The following GGNBP2 variants were observed in gnomAD, a reference collection of about 807,000 sequenced individuals.
GGNBP2 encodes the protein gametogenetin binding protein 2, also known as gametogenetin-binding protein 2.
A neutral mutation model predicts 85.9 loss-of-function variants in GGNBP2; 10 were observed. The observed-to-expected ratio is 0.12, with a 90% CI of 0.07 to 0.20. GGNBP2 has a LOEUF of 0.20. Among genes scored for constraint, GGNBP2 ranks in the 10% least tolerant of loss-of-function variants. GGNBP2 has a pLI of 1.00. For missense variants in GGNBP2, 595 were observed against 857.8 expected (o/e 0.69, Z 3.83); for synonymous variants, 287 against 285.7 (o/e 1.00, Z -0.05).
chr17:36,573,646 T>G (rs1365017730), intron 6 of GGNBP2, among the ~76,000 whole-genome samples: 1 of 152,202 alleles, frequency 6.6e-6, no homozygotes, highest in Non-Finnish European at 1.5e-5. Flanking sequence ...CAGCAGTGCA[T>G]AAGGGTTCCA....
chr17:36,585,515 G>GAAAGA, intron 10 of GGNBP2, 65 bp downstream of exon 10: 1 of 1,120,742 alleles, frequency 8.9e-7, no homozygotes, highest in Non-Finnish European at 1.3e-6. Flanking sequence ...TTAAATGTAA[G>GAAAGA]AGCTTTTAGA....
chr17:36,576,575 A>AT, intron 6 of GGNBP2: 1 of 28,826 alleles, frequency 3.5e-5, no homozygotes, highest in African/African-American at 9.8e-5. Flanking sequence ...AAAAAAAAAA[A>AT]AAAAAAAAAA....
chr17:36,588,988 T>C (rs1356221191), intron 13 of GGNBP2, among the ~76,000 whole-genome samples: 1 of 152,140 alleles, frequency 6.6e-6, no homozygotes, highest in Non-Finnish European at 1.5e-5. Context: ...CTAGGAGAAA[T>C]TATAGATTCA....
chr17:36,572,399 A>G (rs892766902), intron 6 of GGNBP2, among the ~76,000 whole-genome samples: 3 of 152,190 alleles, frequency 2.0e-5, no homozygotes, highest in Non-Finnish European at 2.9e-5. Flanking sequence ...TATATTTTAA[A>G]AGAACACAAA....
chr17:36,569,384 C>T (rs987706175), intron 6 of GGNBP2, among the ~76,000 whole-genome samples: 5 of 152,162 alleles, frequency 3.3e-5, no homozygotes, highest in African/African-American at 7.2e-5. Context: ...TGCACTCCAA[C>T]GGAGCAAGAC....
At chr17:36,561,307 A>G (rs2074414301) in intron 5 of GGNBP2, among the ~76,000 whole-genome samples, 1 of 151,908 alleles carries the variant, frequency 6.6e-6, no homozygotes, top group African/African-American at 2.4e-5. Context: ...TATTTTTAGT[A>G]GATATGGGGT....
At chr17:36,557,475 T>A in intron 4 of GGNBP2, 139 bp downstream of exon 4, 1 of 721,172 alleles carries the variant, frequency 1.4e-6, no homozygotes, top group Non-Finnish European at 2.3e-6. Context: ...CCAGTGGATG[T>A]AAAGTTTCAA....
intron 7 of GGNBP2, chr17:36,578,497 A>G (rs185664515): frequency 5.9e-4 from 177 of 301,712 alleles, no homozygotes; most frequent in Non-Finnish European, 8.3e-4. Context: ...TTCTCCCTCT[A>G]TCCATGCATT....
At chr17:36,576,600 T>TGC in intron 6 of GGNBP2, 3 of 78,012 alleles carry the variant, frequency 3.8e-5, no homozygotes, top group African/African-American at 1.7e-4. Context: ...TATATATGTG[T>TGC]GTGTGTGTGT....
intron 6 of GGNBP2, chr17:36,574,665 C>T (rs1555607389): frequency 5.0e-6 from 3 of 599,724 alleles, no homozygotes; most frequent in East Asian, 2.9e-5. Flanking sequence ...TAGCCCCTGG[C>T]TAAGGTGTAG....
Position 36,586,214 on chromosome 17 carries a change from T to G in GGNBP2, c.1641+16T>G. On this transcript the variant is annotated intron_variant, in intron 12 of 13. Coordinates refer to ENST00000613102, the MANE Select transcript of GGNBP2 (RefSeq NM_024835.5). ...TGATGAACATGTAAGTGTCATAACT[T>G]GTAATTCTTAAACCTTTGCTGTTGA... 16 of 1,607,050 alleles carry G rather than the reference T, an allele frequency of 1.0e-5. No homozygotes were observed. Among genetic ancestry groups the G allele is most frequent in the Non-Finnish European group, 1.4e-5 (16 of 1,178,690 alleles).
chr17:36,575,648 A>ATATATATATATT (rs374366757), intron 6 of GGNBP2, among the ~76,000 whole-genome samples: 35 of 54,910 alleles, frequency 6.4e-4, no homozygotes, highest in African/African-American at 1.4e-3. Flanking sequence ...ATATATATAT[A>ATATATATATATT]TTTTTTTTTT....
At chr17:36,545,215 G>C (rs1185887734) in intron 1 of GGNBP2, 118 bp downstream of exon 1, 1 of 154,486 alleles carries the variant, frequency 6.5e-6, no homozygotes, top group African/African-American at 2.4e-5. Flanking sequence ...GACTGGGCGG[G>C]GTGCGCCCAG....
In GGNBP2 at chr17:36,587,035, T is replaced by C; in HGVS notation, c.1680T>C (p.Asn560=). Residue 560 remains asparagine (N), a synonymous_variant, in exon 13 of 14, where the codon AAT becomes AAC. Transcript: ENST00000613102. ...GAAGCTGTATTACAGATCCAGGTAA[T>C]CGAGAGACCTCAGGAAATACCATGC... The part of the protein sequence containing the change: ...KLGSCITDPG[N]RETSGNTMHT... 6.2e-7 allele frequency: 1 copy of C among 1,613,230 alleles called. No individual in the cohort carries two copies. The highest frequency in any genetic ancestry group is 8.5e-7 in the Non-Finnish European group (1 of 1,179,722).
chr17:36,584,643 T>C (rs1306843915), intron 9 of GGNBP2, among the ~76,000 whole-genome samples: 2 of 152,204 alleles, frequency 1.3e-5, no homozygotes, highest in East Asian at 3.8e-4. Context: ...TGGCCCCACA[T>C]AGACTGTCAA....
chr17:36,582,081 G>A (rs995333197), intron 9 of GGNBP2: 5 of 152,152 alleles, frequency 3.3e-5, no homozygotes, highest in African/African-American at 1.2e-4. Flanking sequence ...GTTTTACCAT[G>A]TTGTTCAGGC....
chr17:36,561,765 A>C (rs1388809934), intron 5 of GGNBP2, among the ~76,000 whole-genome samples: 1 of 151,992 alleles, frequency 6.6e-6, no homozygotes, highest in Non-Finnish European at 1.5e-5. Context: ...TTGGGACTAC[A>C]GGTGCGTGCC....
chr17:36,555,364 C>G (rs1014249820), intron 3 of GGNBP2, among the ~76,000 whole-genome samples: 3 of 152,040 alleles, frequency 2.0e-5, no homozygotes, highest in Admixed American at 6.6e-5. Flanking sequence ...TTCAAGGATC[C>G]CTAGGCAAAC....
chr17:36,573,070 T>TTTAAAAA (rs2074542489), intron 6 of GGNBP2, among the ~76,000 whole-genome samples: 1 of 152,194 alleles, frequency 6.6e-6, no homozygotes, highest in Admixed American at 6.6e-5. Flanking sequence ...TGTGACATTA[T>TTTAAAAA]TTAAAAATGG....
Sources: allele counts gnomAD v4.1 joint callset (sites outside exome capture counted in the v4.1 genomes callset), GRCh38; gene constraint gnomAD v4.1.1; transcripts MANE v1.5; gene names NCBI Gene and HGNC (gene_info 2026-07-23, HGNC 2026-07-21).